DNAI7: variants seen among roughly 807,000 people sequenced by gnomAD.
DNAI7 encodes dynein axonemal intermediate chain 7, also known as cancer susceptibility 1.
DNAI7 carries 78 observed loss-of-function variants against 86.6 expected under a neutral mutation model. The observed-to-expected ratio is 0.90, with a 90% CI of 0.75 to 1.09. The LOEUF (loss-of-function observed/expected upper bound fraction) is 1.09. Among genes scored for constraint, DNAI7 ranks in the 50% least tolerant of loss-of-function variants. The probability of loss-of-function intolerance (pLI) is 0.00; values close to 1 mark genes in which losing one functional copy is unlikely to be tolerated. For missense variants in DNAI7, 753 were observed against 810.2 expected (o/e 0.93, Z 0.86); for synonymous variants, 274 against 273.0 (o/e 1.00, Z -0.04).
chr12:25,144,235 G>A lies in DNAI7; in HGVS notation c.1002+130C>T, dbSNP rs963137835. The A allele has an allele frequency of 1.4e-5, 10 of 710,404 alleles. No homozygotes were observed. The African/African-American group carries it at 1.8e-4, about 13-fold the overall frequency. The allele number at this position is 710,404 out of a possible 1,614,324, so 44.0% of individuals were successfully genotyped here. Reference sequence around the variant, plus strand: ...AAGAAAAAGATACATATTAAAAATTGAGGCACTGGCAAGAAAGTGGCTCCC... The same window carrying A: ...AAGAAAAAGATACATATTAAAAATTAAGGCACTGGCAAGAAAGTGGCTCCC... On this transcript the variant is annotated intron_variant, in intron 9 of 15. Coordinates refer to ENST00000395987, the MANE Select transcript of DNAI7 (RefSeq NM_018272.5).
At chr12:25,108,008 A>C (rs748286354), downstream of DNAI7, 9 of 1,613,860 alleles carry the variant, frequency 5.6e-6, no homozygotes, top group Non-Finnish European at 7.6e-6. Flanking sequence ...TCTCTAGAAC[A>C]TATCTTGTGG....
chr12:25,186,704 G>A (rs1950069504), intron 2 of DNAI7, among the ~76,000 whole-genome samples: 1 of 152,044 alleles, frequency 6.6e-6, no homozygotes, highest in African/African-American at 2.4e-5. Context: ...TCACAGAATG[G>A]GAGTAGATAA....
chr12:25,156,715 T>C (rs1412409713), intron 4 of DNAI7, among the ~76,000 whole-genome samples: 1 of 151,998 alleles, frequency 6.6e-6, no homozygotes, highest in Non-Finnish European at 1.5e-5. Context: ...CACTCTAGCC[T>C]GGGTGACAGA....
At chr12:25,176,167 ATG>A (rs1458112206) in intron 2 of DNAI7, among the ~76,000 whole-genome samples, 2 of 152,184 alleles carry the variant, frequency 1.3e-5, no homozygotes, top group Non-Finnish European at 2.9e-5. Flanking sequence ...TAAAATAAAA[ATG>A]TTAATCTGTT....
chr12:25,135,140 A>G (rs914761458), intron 9 of DNAI7, among the ~76,000 whole-genome samples: 5 of 152,208 alleles, frequency 3.3e-5, no homozygotes, highest in African/African-American at 1.2e-4. Flanking sequence ...GACAGCCAAA[A>G]TACTGTGAGT....
chr12:25,173,530 GA>G (rs1417413778), intron 2 of DNAI7, among the ~76,000 whole-genome samples: 1 of 152,104 alleles, frequency 6.6e-6, no homozygotes, highest in African/African-American at 2.4e-5. Flanking sequence ...AGCCACTATG[GA>G]AAACAGTGTA....
rs942943613 is a variant in DNAI7 at position 25,119,961 on chromosome 12, C to G, written c.1240-660G>C. 3.3e-5 allele frequency among the ~76,000 whole-genome samples: 5 copies of G among 152,114 alleles called. No homozygotes were observed. In the East Asian group the frequency reaches 9.7e-4, roughly 30 times the overall value. Reference sequence around the variant, plus strand: ...GAAAAAGCCTTGAAAATGAGGAAAGCCTCTTTGTTGCAGGAGAGAAAAACA... The same window carrying G: ...GAAAAAGCCTTGAAAATGAGGAAAGGCTCTTTGTTGCAGGAGAGAAAAACA... On this transcript the variant is annotated intron_variant, in intron 11 of 15. Transcript: ENST00000395987.
At chr12:25,120,493 C>G (rs899449067) in intron 11 of DNAI7, among the ~76,000 whole-genome samples, 2 of 151,758 alleles carry the variant, frequency 1.3e-5, no homozygotes, top group Non-Finnish European at 2.9e-5. Flanking sequence ...GAGGCCGAGG[C>G]GGGCGGATCA....
chr12:25,148,145 T>A (rs1945097605), intron 7 of DNAI7, among the ~76,000 whole-genome samples: 1 of 152,206 alleles, frequency 6.6e-6, no homozygotes. Context: ...TTTTGAAGTG[T>A]TCAGGACAAT....
chr12:25,186,162 T>C (rs1291073839), intron 2 of DNAI7, among the ~76,000 whole-genome samples: 2 of 152,172 alleles, frequency 1.3e-5, no homozygotes. Flanking sequence ...AATATATTAA[T>C]ATAAATGTAG....
At chr12:25,146,254 T>C (rs1359006965) in intron 8 of DNAI7, among the ~76,000 whole-genome samples, 1 of 125,006 alleles carries the variant, frequency 8.0e-6, no homozygotes, top group Admixed American at 9.2e-5. Context: ...CCTATTATTT[T>C]TAAGTCACAA....
intron 13 of DNAI7, among the ~76,000 whole-genome samples, chr12:25,114,076 G>A (rs1258872821): frequency 6.6e-6 from 1 of 151,236 alleles, no homozygotes; most frequent in Admixed American, 6.6e-5. Context: ...CTCCTGAGTA[G>A]CTGGGATTAC....
rs1946733961 is a variant in DNAI7 at position 25,160,594 on chromosome 12, T to C, written c.106+519A>G. Among the ~76,000 whole-genome samples, 3 of 152,274 alleles carry C rather than the reference T, an allele frequency of 2.0e-5. No individual in the cohort carries two copies. The South Asian group carries it at 6.2e-4, about 32-fold the overall frequency. On this transcript the variant is annotated intron_variant, in intron 3 of 15. Coordinates refer to ENST00000395987, the MANE Select transcript of DNAI7 (RefSeq NM_018272.5). The stretch of plus-strand genomic sequence containing the variant: ...TCCTGTGTGGTCTAACCCTAGCCAA[T>C]AGGGGAATGACACAGTAGCAGGGGC...
In DNAI7 at chr12:25,124,738, C is replaced by T. The variant is rs148217446; in HGVS notation, c.1003-1452G>A. On this transcript the variant is annotated intron_variant, in intron 9 of 15. Transcript: ENST00000395987. ...ATCACCTAGGTATGAAGCCTAGTACCCAATAGTTATTTTTCTGCTCCTTGC... is the reference window on the plus strand; with the variant it reads ...ATCACCTAGGTATGAAGCCTAGTACTCAATAGTTATTTTTCTGCTCCTTGC... Among the ~76,000 whole-genome samples the T allele has an allele frequency of 4.7e-3, 708 of 152,010 alleles. 1 individual carries two copies. The highest frequency in any genetic ancestry group is 7.5e-3 in the Non-Finnish European group (513 of 67,956).
In DNAI7 at chr12:25,121,894, C is replaced by T; in HGVS notation, c.1098G>A (p.Glu366=). Residue 366 remains glutamate (E), a synonymous_variant, in exon 11 of 16, where the codon GAG becomes GAA. Transcript: ENST00000395987. ...TVSAAQLLLV[E]NSSEKPDFFE... ...AGAAATCTGGCTTTTCAGAAGAATT[C>T]TCTACCAGCAACAACTGTGCTAAAA... The T allele has an allele frequency of 1.3e-6, 2 of 1,588,058 alleles. No individual in the cohort carries two copies. Among genetic ancestry groups the T allele is most frequent in the Non-Finnish European group, 1.7e-6 (2 of 1,173,020 alleles).
At position 25,154,426 on chromosome 12, in the gene DNAI7, G is replaced by A; in HGVS notation, c.331C>T (p.Pro111Ser). 1 of 1,610,362 alleles carries A rather than the reference G, an allele frequency of 6.2e-7. No individual in the cohort carries two copies. The highest frequency in any genetic ancestry group is 1.1e-5 in the South Asian group (1 of 90,112). Reference sequence around the variant, plus strand: ...ATTTCTTGGGCTACTGAAGGATCAGGACTCCCATCACATTGAATGTAGTGC... The same window carrying A: ...ATTTCTTGGGCTACTGAAGGATCAGAACTCCCATCACATTGAATGTAGTGC... Reference protein sequence around the residue: ...WKHYIQCDGSPDPSVAQEMNT... With the variant: ...WKHYIQCDGSSDPSVAQEMNT... The change falls in exon 6 of 16, where the codon CCT (proline) becomes TCT (serine). Residue 111 changes from proline (P) to serine (S), a missense_variant. Transcript: ENST00000395987.
intron 13 of DNAI7, among the ~76,000 whole-genome samples, chr12:25,113,340 C>T (rs1448744591): frequency 2.6e-5 from 4 of 151,986 alleles, no homozygotes; most frequent in Admixed American, 1.3e-4. Flanking sequence ...CTTGCTCTGT[C>T]GCCCAGGCTG....
At chr12:25,126,292 A>G (rs1942125205) in intron 9 of DNAI7, among the ~76,000 whole-genome samples, 1 of 152,164 alleles carries the variant, frequency 6.6e-6, no homozygotes, top group South Asian at 2.1e-4. Flanking sequence ...AGACTTTAAA[A>G]TGTCTCCTAT....
At chr12:25,146,599 C>CAAAAAAAAAAAA (rs55857702) in intron 8 of DNAI7, among the ~76,000 whole-genome samples, 2 of 140,404 alleles carry the variant, frequency 1.4e-5, no homozygotes, top group Admixed American at 7.3e-5. Context: ...GACTGTGTCT[C>CAAAAAAAAAAAA]AAAAAAAAAA....
Sources: allele counts gnomAD v4.1 joint callset (sites outside exome capture counted in the v4.1 genomes callset), GRCh38; gene constraint gnomAD v4.1.1; transcripts MANE v1.5; gene names NCBI Gene and HGNC (gene_info 2026-07-23, HGNC 2026-07-21).